Variants in VCF2 observed in about 807,000 individuals in gnomAD.
The protein encoded by VCF2 is protein VCF2.
the VCF2 span, among the ~76,000 whole-genome samples, chrX:55,151,903 T>C: frequency 2.1e-5 from 2 of 94,200 alleles, no homozygotes; most frequent in Admixed American, 2.3e-4. Context: ...TTTTTTTTTT[T>C]TTTTTTGAGA....
At chrX:55,157,883 T>C in the VCF2 span, among the ~76,000 whole-genome samples, 1 of 112,475 alleles carries the variant, frequency 8.9e-6, no homozygotes, top group Non-Finnish European at 1.9e-5. Flanking sequence ...CCTGGCAAGT[T>C]AGACACACTT....
At chrX:55,151,079 T>C in the VCF2 span, among the ~76,000 whole-genome samples, 1 of 112,411 alleles carries the variant, frequency 8.9e-6, no homozygotes, top group Non-Finnish European at 1.9e-5. Flanking sequence ...ATCTGAAGCA[T>C]ATTTCTACCT....
chrX:55,159,331 G>A, the VCF2 span: 1 of 589,208 alleles, frequency 1.7e-6, no homozygotes, highest in African/African-American at 2.3e-5. Flanking sequence ...GAACTTGTCT[G>A]AAAAAATGTC....
At chrX:55,148,477 C>T in the VCF2 span, among the ~76,000 whole-genome samples, 1 of 109,627 alleles carries the variant, frequency 9.1e-6, no homozygotes, top group Non-Finnish European at 1.9e-5. Context: ...ATATTTACCT[C>T]TTTATAAATA....
the VCF2 span, among the ~76,000 whole-genome samples, chrX:55,147,670 T>C: frequency 4.5e-5 from 4 of 88,077 alleles, no homozygotes; most frequent in Non-Finnish European, 6.5e-5. Context: ...GTTACAGTAC[T>C]GCCTGAAAAA....
chrX:55,146,129 C>T, the VCF2 span: 1 of 1,211,231 alleles, frequency 8.3e-7, no homozygotes, highest in Non-Finnish European at 1.1e-6. Context: ...TGAAGTGAGC[C>T]TCCTTCAAGG....
the VCF2 span, among the ~76,000 whole-genome samples, chrX:55,155,557 A>G: frequency 8.9e-6 from 1 of 112,027 alleles, no homozygotes; most frequent in Admixed American, 9.4e-5. Context: ...TTGGTAATGC[A>G]ATTTAGGAAG....
At chrX:55,143,561 C>T in the VCF2 span, 1 of 258,067 alleles carries the variant, frequency 3.9e-6, no homozygotes, top group Admixed American at 6.2e-5. Flanking sequence ...GGGAAGAAAA[C>T]ACAGGCGCAA....
At chrX:55,154,040 G>C in the VCF2 span, among the ~76,000 whole-genome samples, 7 of 112,497 alleles carry the variant, frequency 6.2e-5, no homozygotes, top group African/African-American at 2.3e-4. Context: ...GAATGATTAA[G>C]AGGAAAATTT....
the VCF2 span, chrX:55,160,708 A>C: frequency 4.8e-5 from 32 of 662,810 alleles, no homozygotes; most frequent in East Asian, 3.6e-4. Context: ...TGACAAAACC[A>C]ATCAGAGAAA....
At chrX:55,157,032 T>C in the VCF2 span, among the ~76,000 whole-genome samples, 483 of 112,576 alleles carry the variant, frequency 4.3e-3, 4 homozygotes, top group Admixed American at 0.017. Flanking sequence ...CCATTTTGAA[T>C]GTATCTTTAA....
At chrX:55,145,359 A>G in the VCF2 span, 2 of 750,217 alleles carry the variant, frequency 2.7e-6, no homozygotes, top group Non-Finnish European at 3.1e-6. Flanking sequence ...AGTGTTTCCT[A>G]CTAAGTCTGA....
chrX:55,149,810 A>G, the VCF2 span, among the ~76,000 whole-genome samples: 1 of 112,259 alleles, frequency 8.9e-6, no homozygotes, highest in South Asian at 3.7e-4. Flanking sequence ...AAAAATTTAA[A>G]AGACAGATTT....
the VCF2 span, among the ~76,000 whole-genome samples, chrX:55,155,439 C>T: frequency 8.9e-6 from 1 of 111,943 alleles, no homozygotes; most frequent in Non-Finnish European, 1.9e-5. Context: ...ATATTTGATA[C>T]ACGCAGAGGT....
chrX:55,160,798 G>A, the VCF2 span: 13 of 1,142,252 alleles, frequency 1.1e-5, no homozygotes, highest in Non-Finnish European at 1.5e-5. Flanking sequence ...ATTGTCCACT[G>A]ACTGAGTTTT....
the VCF2 span, among the ~76,000 whole-genome samples, chrX:55,155,330 G>A: frequency 8.9e-6 from 1 of 112,092 alleles, no homozygotes; most frequent in Non-Finnish European, 1.9e-5. Context: ...GAAATAGGGG[G>A]TGGATGAGAC....
At chrX:55,160,664 G>A in the VCF2 span, 2 of 487,194 alleles carry the variant, frequency 4.1e-6, no homozygotes, top group East Asian at 7.3e-5. Context: ...CATTGATAAA[G>A]GTCCATAGAA....
the VCF2 span, among the ~76,000 whole-genome samples, chrX:55,150,268 C>T: frequency 1.8e-5 from 2 of 111,466 alleles, no homozygotes; most frequent in Non-Finnish European, 3.8e-5. Flanking sequence ...CACTTGGGAC[C>T]GGTTTTGTAG....
the VCF2 span, among the ~76,000 whole-genome samples, chrX:55,148,342 TCTTA>T: frequency 1.8e-5 from 2 of 110,617 alleles, no homozygotes; most frequent in Non-Finnish European, 3.8e-5. Context: ...AAAAATATTT[TCTTA>T]TTTAAAAGAA....
Sources: gnomAD v4.1 joint callset for allele counts (sites outside exome capture counted in the v4.1 genomes callset) on GRCh38, gnomAD v4.1.1 for gene constraint, MANE v1.5 for transcripts, NCBI Gene and HGNC (gene_info 2026-07-23, HGNC 2026-07-21) for gene names.